The following SEMA3B variants were observed in gnomAD, a reference collection of about 807,000 sequenced individuals.
SEMA3B encodes the protein semaphorin 3B, also known as semaphorin-3B.
A neutral mutation model predicts 77.8 loss-of-function variants in SEMA3B; 71 were observed. The observed-to-expected ratio is 0.91, with a 90% CI of 0.75 to 1.11. The LOEUF (loss-of-function observed/expected upper bound fraction) is 1.11, where lower values mean the gene tolerates loss of function less well. Among genes scored for constraint, SEMA3B ranks in the 50% most tolerant of loss-of-function variants. SEMA3B has a pLI of 0.00. For synonymous variants in SEMA3B, 470 were observed against 452.9 expected (o/e 1.04, Z -0.48); for missense variants, 968 against 1,056.8 (o/e 0.92, Z 1.17).
upstream of SEMA3B, among the ~76,000 whole-genome samples, chr3:50,265,239 C>A (rs1223034542): frequency 3.3e-5 from 5 of 152,188 alleles, no homozygotes; most frequent in African/African-American, 1.2e-4. Context: ...GTGCCTAAGT[C>A]CTCTGGGCAG....
rs587764214 is a variant in SEMA3B at position 50,274,085 on chromosome 3, A to G, written c.1137+28A>G. 2 of 1,607,456 alleles carry G rather than the reference A, an allele frequency of 1.2e-6. No individual in the cohort carries two copies. The highest frequency in any genetic ancestry group is 3.5e-5 in the Admixed American group (2 of 57,746). ...TCGTAGCCCAGGGACTTCTGCTACA[A>G]CCCACTTCAAAGCCTCAAGGGTTTG... On this transcript the variant is annotated intron_variant, in intron 10 of 16. Coordinates refer to ENST00000616701, the MANE Select transcript of SEMA3B (RefSeq NM_001290060.2). The surrounding 1 kb of genome is among the most constrained non-coding windows in gnomAD (Gnocchi z 4.7).
chr3:50,262,040 A>C, the SEMA3B span: 1 of 152,372 alleles, frequency 6.6e-6, no homozygotes, highest in Non-Finnish European at 1.5e-5. Flanking sequence ...TCACGCCTGT[A>C]ATCCTAGCAC....
In SEMA3B at chr3:50,275,724, G is replaced by A; in HGVS notation, c.1725G>A (p.Leu575=). Residue 575 remains leucine, a synonymous_variant, in exon 16 of 17, where the codon CTG becomes CTA. Transcript: ENST00000616701. The surrounding 1 kb of genome is among the most constrained non-coding windows in gnomAD (Gnocchi z 7.5). The part of the protein sequence containing the change: ...LCSGDSSRPA[L]LEHKVFGVEG... ...CCCAAGACTCGTCTCGTCCCGCGCTGCTGGAACACAAGGTGTTCGGCGTGG... is the reference window on the plus strand; with the variant it reads ...CCCAAGACTCGTCTCGTCCCGCGCTACTGGAACACAAGGTGTTCGGCGTGG... The A allele has an allele frequency of 6.2e-7, 1 of 1,612,772 alleles. No homozygotes were observed. The highest frequency in any genetic ancestry group is 8.5e-7 in the Non-Finnish European group (1 of 1,179,302).
the SEMA3B span, chr3:50,262,242 C>A: frequency 6.6e-6 from 1 of 152,282 alleles, no homozygotes; most frequent in Non-Finnish European, 1.5e-5. Context: ...TTGCAGTGAG[C>A]CAAGATTGTG....
At chr3:50,266,314 C>T (rs1700896472), upstream of SEMA3B, among the ~76,000 whole-genome samples, 1 of 152,160 alleles carries the variant, frequency 6.6e-6, no homozygotes, top group Non-Finnish European at 1.5e-5. Context: ...AGGCCACATC[C>T]AGGAAGCCCA....
At position 50,270,671 on chromosome 3, in the gene SEMA3B, GCCT is replaced by G; in HGVS notation, c.330+178_330+180del. 1 of 1,132,632 alleles carries G rather than the reference GCCT, an allele frequency of 8.8e-7. No homozygotes were observed. The highest frequency in any genetic ancestry group is 1.2e-6 in the Non-Finnish European group (1 of 808,270). The allele number at this position is 1,132,632 out of a possible 1,614,324, so 70.2% of individuals were successfully genotyped here. Reference sequence around the variant, plus strand: ...GGGGCTCGTGTAATTCTTCTGGGGTGCCTCTGAGTCATGGGAGGCTTTGCAGGC... The same window carrying G: ...GGGGCTCGTGTAATTCTTCTGGGGTGCTGAGTCATGGGAGGCTTTGCAGGC... On this transcript the variant is annotated intron_variant, in intron 3 of 16. Coordinates refer to ENST00000616701, the MANE Select transcript of SEMA3B (RefSeq NM_001290060.2). This position sits in a 1 kb window ranked among gnomAD's most constrained non-coding sequence, Gnocchi z 4.7.
chr3:50,264,788 C>G (rs1559782052), upstream of SEMA3B, among the ~76,000 whole-genome samples: 1 of 152,240 alleles, frequency 6.6e-6, no homozygotes, highest in Non-Finnish European at 1.5e-5. Flanking sequence ...CCCCAGCCCC[C>G]TCTCCTCCCA....
At position 50,276,271 on chromosome 3, in the gene SEMA3B, A is replaced by AC. The variant is rs1309898187; in HGVS notation, c.1846-26dup. 1.4e-6 allele frequency: 2 copies of AC among 1,447,070 alleles called. No homozygotes were observed. The highest frequency in any genetic ancestry group is 2.6e-5 in the Admixed American group (1 of 38,448). The allele number at this position is 1,447,070 out of a possible 1,614,324, so 89.6% of individuals were successfully genotyped here. A position where few individuals can be genotyped will look rare whatever the true frequency, so the allele number is the denominator to read the frequency against. ...CCGGAAGCCCTGTTCCCGGCCCGAC[A>AC]CCCCCGCCTCACGCTGCCCTCTGCC... On this transcript the variant is annotated intron_variant, in intron 16 of 16. Coordinates refer to ENST00000616701, the MANE Select transcript of SEMA3B (RefSeq NM_001290060.2). This position sits in a 1 kb window ranked among gnomAD's most constrained non-coding sequence, Gnocchi z 5.8.
At chr3:50,271,312 T>C in intron 5 of SEMA3B, 49 bp from the exon 6 acceptor site, 1 of 1,552,148 alleles carries the variant, frequency 6.4e-7, no homozygotes, top group Non-Finnish European at 8.7e-7. Context: ...CAGGCCCTCC[T>C]GCCCCAAGAG....
At chr3:50,263,315 TAGTG>T (rs1700855008), upstream of SEMA3B, 1 of 151,458 alleles carries the variant, frequency 6.6e-6, no homozygotes, top group African/African-American at 2.4e-5. Context: ...CTGGGCAACA[TAGTG>T]AGACCTCCAT....
chr3:50,272,855 A>AATAATAATAATAATAAT (rs375252497), intron 6 of SEMA3B, among the ~76,000 whole-genome samples: 1 of 145,576 alleles, frequency 6.9e-6, no homozygotes, highest in African/African-American at 2.5e-5. Context: ...ATAAATAAAC[A>AATAATAATAATAATAAT]AATAATAATA....
rs1701114862 is a variant in SEMA3B at position 50,273,435 on chromosome 3, A to G, written c.802A>G (p.Ile268Val). The change falls in exon 7 of 17, where the codon ATC becomes GTC. Residue 268 changes from isoleucine (I) to valine (V), a missense_variant. Coordinates refer to ENST00000616701, the MANE Select transcript of SEMA3B (RefSeq NM_001290060.2). The surrounding 1 kb of genome is among the most constrained non-coding windows in gnomAD (Gnocchi z 6.5). ...GRLSVSRVGQ[I>V]CRNDVGGQRS... The stretch of plus-strand genomic sequence containing the variant: ...CCTGTCCGTGTCCCGCGTTGGCCAG[A>G]TCTGCCGGGTGAGGAGTCCCTGGGC... 4 of 1,613,352 alleles carry G rather than the reference A, an allele frequency of 2.5e-6. No homozygotes were observed. Among genetic ancestry groups the G allele is most frequent in the Non-Finnish European group, 3.4e-6 (4 of 1,179,690 alleles).
Position 50,276,271 on chromosome 3 carries a change from AC to A in SEMA3B, c.1846-26del. 6.9e-7 allele frequency: 1 copy of A among 1,447,068 alleles called. No individual in the cohort carries two copies. The highest frequency in any genetic ancestry group is 9.1e-7 in the Non-Finnish European group (1 of 1,104,348). 89.6% of individuals were successfully genotyped at this position (1,447,068 alleles called of 1,614,324 possible). A position where few individuals can be genotyped will look rare whatever the true frequency, so the allele number is the denominator to read the frequency against. On this transcript the variant is annotated intron_variant, in intron 16 of 16. Transcript: ENST00000616701. This position sits in a 1 kb window ranked among gnomAD's most constrained non-coding sequence, Gnocchi z 5.8. ...CCGGAAGCCCTGTTCCCGGCCCGAC[AC>A]CCCCGCCTCACGCTGCCCTCTGCCC...
Position 50,276,699 on chromosome 3 carries a change from A to G in SEMA3B, c.2243A>G (p.His748Arg). 3 of 1,524,708 alleles carry G rather than the reference A, an allele frequency of 2.0e-6. No individual in the cohort carries two copies. The highest frequency in any genetic ancestry group is 2.6e-6 in the Non-Finnish European group (3 of 1,143,904). 94.4% of individuals were successfully genotyped at this position (1,524,708 alleles called of 1,614,324 possible). Reference protein sequence around the residue: ...RAERGPRSATHW With the variant: ...RAERGPRSATRW ...GAGCGGGGGCCGCGCAGCGCAACGC[A>G]CTGGTGACCAGACTGTCCCCACGCC... The change falls in exon 17 of 17, where the codon CAC becomes CGC. Residue 748 changes from histidine (H) to arginine (R), a missense_variant. His to Arg is a conservative substitution (Grantham distance 29). Transcript: ENST00000616701. The surrounding 1 kb of genome is among the most constrained non-coding windows in gnomAD (Gnocchi z 5.8).
In SEMA3B at chr3:50,276,292, C is replaced by T; in HGVS notation, c.1846-10C>T. The T allele has an allele frequency of 6.7e-7, 1 of 1,487,540 alleles. No individual in the cohort carries two copies. Among genetic ancestry groups the T allele is most frequent in the Non-Finnish European group, 8.9e-7 (1 of 1,121,832 alleles). The allele number at this position is 1,487,540 out of a possible 1,614,324, so 92.1% of individuals were successfully genotyped here. ...CGACACCCCCGCCTCACGCTGCCCT[C>T]TGCCCGCAGGTGCTGGCAGAGGAGC... On this transcript the variant is annotated splice_polypyrimidine_tract_variant and intron_variant, in intron 16 of 16. Transcript: ENST00000616701. This position sits in a 1 kb window ranked among gnomAD's most constrained non-coding sequence, Gnocchi z 5.8.
At position 50,276,660 on chromosome 3, in the gene SEMA3B, C is replaced by T. The variant is rs1559792813; in HGVS notation, c.2204C>T (p.Pro735Leu). 6.3e-7 allele frequency: 1 copy of T among 1,584,342 alleles called. No individual in the cohort carries two copies. The highest frequency in any genetic ancestry group is 8.5e-7 in the Non-Finnish European group (1 of 1,171,522). The change falls in exon 17 of 17, where the codon CCT (proline) becomes CTT (leucine). Residue 735 changes from proline to leucine, a missense_variant. Transcript: ENST00000616701. This position sits in a 1 kb window ranked among gnomAD's most constrained non-coding sequence, Gnocchi z 5.8. The stretch of plus-strand genomic sequence containing the variant: ...GGCCGTAACCGGAGGACCCACGCCC[C>T]TGAGCCTCGCGCTGAGCGGGGGCCG... ...RKGRNRRTHA[P>L]EPRAERGPRS...
Position 50,271,461 on chromosome 3 carries a change from C to T in SEMA3B, c.645C>T (p.His215=), listed in dbSNP as rs373438868. The change falls in exon 6 of 17, where the codon CAC becomes CAT. Residue 215 remains histidine (H), a synonymous_variant. Transcript: ENST00000616701. ...GTCCAAGTCTCCGAACAGAGCCACA[C>T]GACTCCCGCTGGCTCAATGGTGAGA... is the stretch of plus-strand genomic sequence containing the variant. The part of the protein sequence containing the change: ...GQRPSLRTEP[H]DSRWLNEPKF... 65 of 1,570,296 alleles carry T rather than the reference C, an allele frequency of 4.1e-5. No homozygotes were observed. The highest frequency in any genetic ancestry group is 5.4e-5 in the Non-Finnish European group (63 of 1,157,970).
rs1700974515 is a variant in SEMA3B, at chr3:50,269,163, C to A, written c.-78C>A. The A allele has an allele frequency of 1.8e-6, 2 of 1,092,028 alleles. No homozygotes were observed. The highest frequency in any genetic ancestry group is 1.6e-5 in the African/African-American group (1 of 64,460). The allele number at this position is 1,092,028 out of a possible 1,614,324, so 67.6% of individuals were successfully genotyped here. ...CTCACTGCTGACTCCTCTTCCAGAT[C>A]CTGGGGCAGAGTCCAGGGCAGCTCA... On this transcript the variant is annotated 5_prime_UTR_variant, in exon 1 of 17. Transcript: ENST00000616701. This position sits in a 1 kb window ranked among gnomAD's most constrained non-coding sequence, Gnocchi z 4.0.
At position 50,275,843 on chromosome 3, in the gene SEMA3B, A is replaced by G. The variant is rs782672351; in HGVS notation, c.1844A>G (p.Gln615Arg). 1 of 1,596,022 alleles carries G rather than the reference A, an allele frequency of 6.3e-7. No homozygotes were observed. Among genetic ancestry groups the G allele is most frequent in the Admixed American group, 1.7e-5 (1 of 59,010 alleles). The stretch of plus-strand genomic sequence containing the variant: ...CGCGCAGGGGTGACAGCCCACACCC[A>G]GGTGAGCCTTACTCCGCCCTCCCCG... ...FQRAGVTAHT[Q>R]VLAEERTERT... The change falls in exon 16 of 17, where the codon CAG becomes CGG. Residue 615 changes from glutamine (Q) to arginine (R), a missense_variant and splice_region_variant. Transcript: ENST00000616701. The surrounding 1 kb of genome is among the most constrained non-coding windows in gnomAD (Gnocchi z 7.5).
Sources: gnomAD v4.1 joint callset for allele counts (sites outside exome capture counted in the v4.1 genomes callset) on GRCh38, gnomAD v4.1.1 for gene constraint, Gnocchi (gnomAD v3.1) non-coding constraint, MANE v1.5 for transcripts, NCBI Gene and HGNC (gene_info 2026-07-23, HGNC 2026-07-21) for gene names.